The following WWOX variants were observed in gnomAD, a reference collection of about 807,000 sequenced individuals.
WWOX encodes WW domain containing oxidoreductase, also known as WW domain-containing oxidoreductase.
Under a neutral mutation model 46.2 loss-of-function variants are expected in WWOX, and 69 were observed. The observed-to-expected ratio is 1.49, with a 90% CI of 1.23 to 1.82. The LOEUF (loss-of-function observed/expected upper bound fraction) is 1.82. Ranked by LOEUF, WWOX falls within the 40% of genes most tolerant of loss-of-function variation. The pLI is 0.00. For synonymous variants in WWOX, 359 were observed against 202.6 expected (o/e 1.77, Z -6.56); for missense variants, 919 against 542.6 (o/e 1.69, Z -6.89).
intron 5 of WWOX, among the ~76,000 whole-genome samples, chr16:78,307,245 G>A (rs1202813139): frequency 1.3e-5 from 2 of 152,190 alleles, no homozygotes; most frequent in Non-Finnish European, 2.9e-5. Context: ...ACAATGCCAA[G>A]TGTCAAATAA....
chr16:78,875,287 T>C (rs1287830400), intron 8 of WWOX, among the ~76,000 whole-genome samples: 1 of 152,210 alleles, frequency 6.6e-6, no homozygotes, highest in Non-Finnish European at 1.5e-5. Flanking sequence ...AATAGGTTTC[T>C]GTTAAAAACC....
chr16:79,134,474 G>C (rs1236421346), intron 8 of WWOX, among the ~76,000 whole-genome samples: 1 of 152,144 alleles, frequency 6.6e-6, no homozygotes, highest in Non-Finnish European at 1.5e-5. Context: ...TGCAGAATGA[G>C]GTCGAGGTCA....
At chr16:78,259,091 AAGTATGTGTTTGAGTT>A (rs1312923593) in intron 5 of WWOX, among the ~76,000 whole-genome samples, 2 of 152,224 alleles carry the variant, frequency 1.3e-5, no homozygotes, top group Non-Finnish European at 2.9e-5. Flanking sequence ...TTAGTTCTGT[AAGTATGTGTTTGAGTT>A]AGAAATAGAG....
At chr16:78,923,278 G>C (rs1223424288) in intron 8 of WWOX, among the ~76,000 whole-genome samples, 1 of 152,040 alleles carries the variant, frequency 6.6e-6, no homozygotes, top group Non-Finnish European at 1.5e-5. Flanking sequence ...ACTGTGCCCG[G>C]CCATCTTTCT....
chr16:78,316,957 A>C (rs1306545719), intron 5 of WWOX, among the ~76,000 whole-genome samples: 1 of 152,252 alleles, frequency 6.6e-6, no homozygotes, highest in Non-Finnish European at 1.5e-5. Flanking sequence ...ACATCTAATA[A>C]GACCTGGACA....
chr16:78,160,644 G>A (rs2034764202), intron 4 of WWOX, among the ~76,000 whole-genome samples: 1 of 152,046 alleles, frequency 6.6e-6, no homozygotes, highest in Non-Finnish European at 1.5e-5. Context: ...TAATTCCATT[G>A]CGGTCAAAGA....
Position 78,206,480 on chromosome 16 carries a change from G to A in WWOX, c.516+42191G>A, listed in dbSNP as rs565262259. On this transcript the variant is annotated intron_variant, in intron 5 of 8. Coordinates refer to ENST00000566780, the MANE Select transcript of WWOX (RefSeq NM_016373.4). ...ATTTTGGTCTTTACCTTCAAAAGAC[G>A]GGAGAAAGACTGAGAGAAGTTTCTA... 1.1e-4 allele frequency among the ~76,000 whole-genome samples: 17 copies of A among 152,168 alleles called. No homozygotes were observed. In the South Asian group the frequency reaches 3.5e-3, roughly 32 times the overall value.
intron 8 of WWOX, among the ~76,000 whole-genome samples, chr16:79,112,498 C>T (rs59978333): frequency 1.3e-5 from 2 of 152,148 alleles, no homozygotes; most frequent in Non-Finnish European, 2.9e-5. Flanking sequence ...CTCCTTCCCC[C>T]ACCCTGCGAG....
At chr16:78,762,886 T>A (rs368549865) in intron 8 of WWOX, among the ~76,000 whole-genome samples, 1 of 152,186 alleles carries the variant, frequency 6.6e-6, no homozygotes, top group African/African-American at 2.4e-5. Flanking sequence ...CTCATGGTAG[T>A]TAACACCCAG....
intron 8 of WWOX, among the ~76,000 whole-genome samples, chr16:78,808,694 C>A (rs1001613033): frequency 6.6e-6 from 1 of 152,114 alleles, no homozygotes; most frequent in African/African-American, 2.4e-5. Context: ...TTCATGTAGT[C>A]CTCACACTAG....
At chr16:79,106,733 C>T (rs1296310669) in intron 8 of WWOX, 1 of 150,416 alleles carries the variant, frequency 6.6e-6, no homozygotes, top group African/African-American at 2.4e-5. Flanking sequence ...ACTCTCCAGC[C>T]TCAGCCTCCG....
chr16:78,325,102 G>C (rs1358132863), intron 5 of WWOX, among the ~76,000 whole-genome samples: 4 of 152,186 alleles, frequency 2.6e-5, no homozygotes, highest in Non-Finnish European at 5.9e-5. Flanking sequence ...CAGCCTGGGA[G>C]TGTTGGTCCC....
intron 8 of WWOX, among the ~76,000 whole-genome samples, chr16:78,456,253 A>G (rs1215506810): frequency 6.6e-6 from 1 of 152,160 alleles, no homozygotes; most frequent in African/African-American, 2.4e-5. Context: ...TAACATAGAC[A>G]CCAAAAGAGA....
intron 6 of WWOX, among the ~76,000 whole-genome samples, chr16:78,393,914 A>G (rs1161737622): frequency 6.6e-6 from 1 of 152,184 alleles, no homozygotes. Context: ...ATGGGAGGAA[A>G]AAAAATCTTT....
chr16:79,191,543 T>C (rs2051137072), intron 8 of WWOX, among the ~76,000 whole-genome samples: 1 of 152,256 alleles, frequency 6.6e-6, no homozygotes, highest in Non-Finnish European at 1.5e-5. Context: ...TTTTTGCTTC[T>C]AGCTGGTCGA....
chr16:78,498,791 C>T (rs372504290), intron 8 of WWOX, among the ~76,000 whole-genome samples: 1 of 152,144 alleles, frequency 6.6e-6, no homozygotes, highest in East Asian at 1.9e-4. Context: ...ATCTCGAACT[C>T]CTGGTTTCAA....
chr16:78,714,575 A>G (rs1213256661), intron 8 of WWOX, among the ~76,000 whole-genome samples: 1 of 152,102 alleles, frequency 6.6e-6, no homozygotes, highest in Non-Finnish European at 1.5e-5. Flanking sequence ...TCAAGACACT[A>G]TTCTAGGTAT....
intron 8 of WWOX, among the ~76,000 whole-genome samples, chr16:78,992,882 A>G (rs767205964): frequency 6.6e-6 from 1 of 152,058 alleles, no homozygotes; most frequent in Non-Finnish European, 1.5e-5. Flanking sequence ...ACGACCCGCA[A>G]ATTTCCAATT....
At chr16:78,662,870 G>C (rs1013980375) in intron 8 of WWOX, among the ~76,000 whole-genome samples, 3 of 152,170 alleles carry the variant, frequency 2.0e-5, no homozygotes, top group African/African-American at 7.2e-5. Flanking sequence ...GCAAAAGGCA[G>C]CTTGTAACGT....
Sources: gnomAD v4.1 joint callset for allele counts (sites outside exome capture counted in the v4.1 genomes callset) on GRCh38, gnomAD v4.1.1 for gene constraint, MANE v1.5 for transcripts, NCBI Gene and HGNC (gene_info 2026-07-23, HGNC 2026-07-21) for gene names.